Variants in EYS observed in about 807,000 individuals in gnomAD.
EYS encodes the protein EGF-like photoreceptor maintenance factor, also known as protein eyes shut homolog.
EYS carries 250 observed loss-of-function variants against 282.1 expected under a neutral mutation model. The observed-to-expected ratio is 0.89, with a 90% CI of 0.80 to 0.98. The LOEUF (loss-of-function observed/expected upper bound fraction) is 0.98. Ranked by LOEUF, EYS falls within the 50% of genes least tolerant of loss-of-function variation. The pLI, the probability that EYS is intolerant of heterozygous loss-of-function variation, is 0.00. For synonymous variants in EYS, 1,355 were observed against 1,282.9 expected, an observed-to-expected ratio of 1.06 and a Z score of -1.20; for missense variants, 4,016 against 3,709.0, an observed-to-expected ratio of 1.08 and a Z score of -2.15.
chr6:65,561,045 G>A (rs1383032155), intron 2 of EYS, among the ~76,000 whole-genome samples: 1 of 151,916 alleles, frequency 6.6e-6, no homozygotes, highest in Non-Finnish European at 1.5e-5. Flanking sequence ...AAAGTTGTTT[G>A]CTCTTGAATT....
chr6:64,167,964 T>G (rs897943243), intron 31 of EYS, among the ~76,000 whole-genome samples: 5 of 152,098 alleles, frequency 3.3e-5, no homozygotes, highest in African/African-American at 1.2e-4. Context: ...CTACTATAAT[T>G]CAAAAACCAG....
intron 26 of EYS, among the ~76,000 whole-genome samples, chr6:64,536,852 A>G (rs1347998972): frequency 6.6e-6 from 1 of 151,438 alleles, no homozygotes; most frequent in Non-Finnish European, 1.5e-5. Flanking sequence ...AAAAATATCT[A>G]TTTTTTAAAT....
At chr6:64,556,282 A>G (rs1428785395) in intron 26 of EYS, among the ~76,000 whole-genome samples, 1 of 152,004 alleles carries the variant, frequency 6.6e-6, no homozygotes, top group African/African-American at 2.4e-5. Context: ...CAGACAATAG[A>G]ATATTATTTA....
intron 33 of EYS, among the ~76,000 whole-genome samples, chr6:64,030,095 A>T (rs1327569115): frequency 1.3e-5 from 2 of 152,098 alleles, no homozygotes; most frequent in Non-Finnish European, 2.9e-5. Context: ...GAAAGAGGGA[A>T]AGACAAAGAG....
intron 12 of EYS, among the ~76,000 whole-genome samples, chr6:65,107,963 A>G (rs1307222882): frequency 2.0e-5 from 3 of 152,158 alleles, no homozygotes; most frequent in African/African-American, 7.2e-5. Flanking sequence ...CACACATACA[A>G]TCATTATAAA....
At chr6:64,489,609 T>G (rs1196102954) in intron 26 of EYS, among the ~76,000 whole-genome samples, 1 of 149,026 alleles carries the variant, frequency 6.7e-6, no homozygotes, top group Non-Finnish European at 1.5e-5. Context: ...TATAAAATAT[T>G]CAGTTTTAAT....
At chr6:63,884,750 A>T (rs1271831495) in intron 35 of EYS, among the ~76,000 whole-genome samples, 1 of 152,162 alleles carries the variant, frequency 6.6e-6, no homozygotes, top group African/African-American at 2.4e-5. Flanking sequence ...CATTGAAGTT[A>T]TCAAATACTT....
At chr6:64,253,230 C>T (rs970478698) in intron 30 of EYS, among the ~76,000 whole-genome samples, 6 of 152,038 alleles carry the variant, frequency 3.9e-5, no homozygotes, top group African/African-American at 9.7e-5. Flanking sequence ...ATAAAATATT[C>T]TGTGTACTCT....
chr6:65,477,735 T>G (rs1765462819), intron 5 of EYS, among the ~76,000 whole-genome samples: 1 of 152,194 alleles, frequency 6.6e-6, no homozygotes, highest in African/African-American at 2.4e-5. Context: ...TAAGCAGGTA[T>G]CATATTTTCC....
At chr6:65,298,858 G>A (rs1768737041) in intron 11 of EYS, among the ~76,000 whole-genome samples, 1 of 149,636 alleles carries the variant, frequency 6.7e-6, no homozygotes, top group Admixed American at 6.6e-5. Context: ...TGTTTTCAAA[G>A]GTTGCAAATA....
intron 12 of EYS, among the ~76,000 whole-genome samples, chr6:65,061,160 TA>T (rs1230441801): frequency 2.0e-5 from 3 of 151,968 alleles, no homozygotes; most frequent in African/African-American, 7.2e-5. Flanking sequence ...TGTACATGTA[TA>T]TAATTTTAGA....
chr6:64,670,754 A>G (rs542544635), intron 22 of EYS, among the ~76,000 whole-genome samples: 1 of 152,274 alleles, frequency 6.6e-6, no homozygotes, highest in African/African-American at 2.4e-5. Context: ...AGTACATTTC[A>G]TGGAGAATGC....
Position 65,053,530 on chromosome 6 carries a change from T to A in EYS, c.2137+4084A>T, listed in dbSNP as rs1453248234. 2.6e-5 allele frequency among the ~76,000 whole-genome samples: 4 copies of A among 151,916 alleles called. No homozygotes were observed. The East Asian group carries it at 5.8e-4, about 22-fold the overall frequency. ...AAATATATGTTCATGCAAATAAGCA[T>A]CTAATAGACAAAACTTGGACTATAT... On this transcript the variant is annotated intron_variant, in intron 13 of 42. Transcript: ENST00000503581.
chr6:64,325,452 AC>A (rs1001613189), intron 29 of EYS, among the ~76,000 whole-genome samples: 4 of 152,178 alleles, frequency 2.6e-5, no homozygotes, highest in Non-Finnish European at 5.9e-5. Context: ...GACAGAGCCT[AC>A]CCAAATGAAA....
At chr6:65,648,788 T>C (rs1025213163) in intron 1 of EYS, among the ~76,000 whole-genome samples, 1 of 152,154 alleles carries the variant, frequency 6.6e-6, no homozygotes, top group South Asian at 2.1e-4. Context: ...TAACTGAAAT[T>C]GGTGGCTGAA....
intron 16 of EYS, among the ~76,000 whole-genome samples, chr6:64,909,100 C>G (rs1284030538): frequency 1.3e-5 from 2 of 152,140 alleles, no homozygotes; most frequent in Non-Finnish European, 2.9e-5. Context: ...ACTGGTATGT[C>G]TCTCCCTTAA....
chr6:64,167,691 CATATG>C (rs1366492364), intron 31 of EYS, among the ~76,000 whole-genome samples: 2 of 152,018 alleles, frequency 1.3e-5, no homozygotes, highest in African/African-American at 2.4e-5. Flanking sequence ...TAGATGTATG[CATATG>C]ATATATTAAA....
chr6:64,300,258 C>T (rs967714896), intron 30 of EYS, among the ~76,000 whole-genome samples: 1 of 152,062 alleles, frequency 6.6e-6, no homozygotes, highest in African/African-American at 2.4e-5. Context: ...CTCATGACAC[C>T]CCAGGCCGAC....
At chr6:65,371,733 CTCTCTCTCTGTGTGTG>C (rs1264487010) in intron 8 of EYS, among the ~76,000 whole-genome samples, 1 of 50,678 alleles carries the variant, frequency 2.0e-5, no homozygotes, top group African/African-American at 5.2e-5. Flanking sequence ...CTCTCTCTCT[CTCTCTCTCTGTGTGTG>C]TGTGTGTGTG....
Sources: allele counts gnomAD v4.1 joint callset (sites outside exome capture counted in the v4.1 genomes callset), GRCh38; gene constraint gnomAD v4.1.1; transcripts MANE v1.5; gene names NCBI Gene and HGNC (gene_info 2026-07-23, HGNC 2026-07-21).